Variants in HLA-DMB observed in about 807,000 individuals in gnomAD.
HLA-DMB encodes the protein major histocompatibility complex, class II, DM beta, also known as HLA class II histocompatibility antigen, DM beta chain.
In HLA-DMB, 18 loss-of-function variants were observed where a neutral mutation model predicts 29.3. That is an observed-to-expected ratio of 0.62 (90% CI 0.43 to 0.91). HLA-DMB has a LOEUF of 0.91. Among genes scored for constraint, HLA-DMB ranks in the 40% least tolerant of loss-of-function variants. HLA-DMB has a pLI of 0.00. For synonymous variants in HLA-DMB, 143 were observed against 128.7 expected, an observed-to-expected ratio of 1.11 and a Z score of -0.75; for missense variants, 258 against 320.9, an observed-to-expected ratio of 0.80 and a Z score of 1.50.
At chr6:32,938,608 G>T in intron 2 of HLA-DMB, 76 bp downstream of exon 2, 1 of 1,338,574 alleles carries the variant, frequency 7.5e-7, no homozygotes, top group Non-Finnish European at 9.9e-7. Context: ...AAACCCCTGG[G>T]CCACTGTGGG....
At chr6:32,935,069 T>A in intron 5 of HLA-DMB, 82 bp from the exon 6 acceptor site, 1 of 1,501,492 alleles carries the variant, frequency 6.7e-7, no homozygotes, top group Non-Finnish European at 9.2e-7. Flanking sequence ...TCCCATGCCT[T>A]AATACAGTGA....
chr6:32,940,635 A>G (rs1248015289), intron 1 of HLA-DMB, 118 bp downstream of exon 1: 16 of 659,888 alleles, frequency 2.4e-5, no homozygotes, highest in Non-Finnish European at 4.2e-5. Context: ...AAAGTGCTAT[A>G]GGAATGTATA....
chr6:32,936,958 G>A, intron 3 of HLA-DMB: 1 of 407,518 alleles, frequency 2.5e-6, no homozygotes, highest in Non-Finnish European at 4.3e-6. Context: ...TTTTGCCACT[G>A]AAAGTAATGG....
intron 1 of HLA-DMB, among the ~76,000 whole-genome samples, chr6:32,939,865 G>A (rs929347838): frequency 6.6e-6 from 1 of 152,180 alleles, no homozygotes; most frequent in Non-Finnish European, 1.5e-5. Context: ...TTGTAGGCAA[G>A]TTGGACAGAA....
At chr6:32,938,550 T>C (rs756073067) in intron 2 of HLA-DMB, 134 bp downstream of exon 2, 7 of 913,044 alleles carry the variant, frequency 7.7e-6, no homozygotes, top group Non-Finnish European at 1.1e-5. Context: ...CCTCCGTCTT[T>C]CTACATTTCA....
At chr6:32,938,304 G>C (rs1343280129) in intron 2 of HLA-DMB, 1 of 216,198 alleles carries the variant, frequency 4.6e-6, no homozygotes, top group Non-Finnish European at 9.1e-6. Flanking sequence ...TTAAGGGTGA[G>C]AAAAAGCATG....
Position 32,934,825 on chromosome 6 carries a change from G to T in HLA-DMB, c.*146C>A. 1 of 841,594 alleles carries T rather than the reference G, an allele frequency of 1.2e-6. No individual in the cohort carries two copies. The highest frequency in any genetic ancestry group is 1.9e-6 in the Non-Finnish European group (1 of 520,740). 52.1% of individuals were successfully genotyped at this position (841,594 alleles called of 1,614,324 possible). Reference sequence around the variant, plus strand: ...CCCCAAGTTGCTAAGTTTTACATAGGGGAGACTGGGAAATTCAAAGAATTG... The same window carrying T: ...CCCCAAGTTGCTAAGTTTTACATAGTGGAGACTGGGAAATTCAAAGAATTG... On this transcript the variant is annotated 3_prime_UTR_variant, in exon 6 of 6. Transcript: ENST00000418107.
intron 3 of HLA-DMB, chr6:32,936,947 T>G: frequency 7.6e-6 from 3 of 396,842 alleles, no homozygotes; most frequent in Admixed American, 4.4e-5. Flanking sequence ...GTAATTGCGG[T>G]TTTTGCCACT....
chr6:32,936,992 C>T (rs554751629), intron 3 of HLA-DMB, 180 bp downstream of exon 3: 4 of 461,268 alleles, frequency 8.7e-6, no homozygotes, highest in South Asian at 1.4e-4. Flanking sequence ...TACTTTTGCA[C>T]CAACCTAAAT....
Position 32,934,688 on chromosome 6 carries a change from G to T in HLA-DMB, c.*283C>A, listed in dbSNP as rs1322247069. 4.0e-6 allele frequency: 2 copies of T among 500,692 alleles called. No homozygotes were observed. The highest frequency in any genetic ancestry group is 3.0e-5 in the South Asian group (1 of 33,824). The allele number at this position is 500,692 out of a possible 1,614,324, so 31.0% of individuals were successfully genotyped here. Reference sequence around the variant, plus strand: ...CAATCACCAGTTGCTGTCCTCTATGGCACACTGAGAGCCCCAGGAGGGTCT... The same window carrying T: ...CAATCACCAGTTGCTGTCCTCTATGTCACACTGAGAGCCCCAGGAGGGTCT... On this transcript the variant is annotated 3_prime_UTR_variant, in exon 6 of 6. Coordinates refer to ENST00000418107, the MANE Select transcript of HLA-DMB (RefSeq NM_002118.5).
At chr6:32,939,490 G>A (rs570483038) in intron 1 of HLA-DMB, among the ~76,000 whole-genome samples, 1 of 152,296 alleles carries the variant, frequency 6.6e-6, no homozygotes, top group Admixed American at 6.5e-5. Context: ...TCTTCATCTG[G>A]ATGTTCCTTT....
At position 32,937,908 on chromosome 6, in the gene HLA-DMB, C is replaced by T. The variant is rs6929298; in HGVS notation, c.338-452G>A. On this transcript the variant is annotated intron_variant, in intron 2 of 5. Transcript: ENST00000418107. This position sits in a 1 kb window ranked among gnomAD's most constrained non-coding sequence, Gnocchi z 4.1. ...TAAAGCTTTTTCTCCTCACATAGTT[C>T]AAGGAAACAAGCCTAACTTAGGACT... is the stretch of plus-strand genomic sequence containing the variant. The T allele has an allele frequency of 0.023, 3,695 of 164,092 alleles. 61 individuals carry two copies. Among genetic ancestry groups the T allele is most frequent in the South Asian group, 0.039 (217 of 5,616 alleles). 10.2% of individuals were successfully genotyped at this position (164,092 alleles called of 1,614,324 possible).
At chr6:32,936,979 A>C in intron 3 of HLA-DMB, 193 bp downstream of exon 3, 3 of 426,642 alleles carry the variant, frequency 7.0e-6, no homozygotes, top group East Asian at 3.5e-5. Flanking sequence ...CAAAAACTGC[A>C]ATTACTTTTG....
In HLA-DMB at chr6:32,940,742, A is replaced by C; in HGVS notation, c.55+11T>G. On this transcript the variant is annotated intron_variant, in intron 1 of 5. Transcript: ENST00000418107. ...AGGGGAAGGGAGAGTCCCCAGAAGAAGTGTCCTTACCTGCTCCTGTGCAGC... is the reference window on the plus strand; with the variant it reads ...AGGGGAAGGGAGAGTCCCCAGAAGACGTGTCCTTACCTGCTCCTGTGCAGC... 2 of 1,602,290 alleles carry C rather than the reference A, an allele frequency of 1.2e-6. No homozygotes were observed. Among genetic ancestry groups the C allele is most frequent in the Non-Finnish European group, 1.7e-6 (2 of 1,174,448 alleles).
chr6:32,940,708 A>T, intron 1 of HLA-DMB, 45 bp downstream of exon 1: 1 of 1,510,334 alleles, frequency 6.6e-7, no homozygotes. Flanking sequence ...CTTACCCTGA[A>T]ACAGGAGCAG....
At chr6:32,940,020 A>G (rs939494253) in intron 1 of HLA-DMB, among the ~76,000 whole-genome samples, 5 of 150,902 alleles carry the variant, frequency 3.3e-5, no homozygotes, top group Non-Finnish European at 7.4e-5. Context: ...TCCAGCTAAT[A>G]TAGGAGAATT....
At position 32,937,364 on chromosome 6, in the gene HLA-DMB, C is replaced by G; in HGVS notation, c.430G>C (p.Glu144Gln). The G allele has an allele frequency of 6.2e-7, 1 of 1,614,236 alleles. No homozygotes were observed. The highest frequency in any genetic ancestry group is 8.5e-7 in the Non-Finnish European group (1 of 1,180,052). ...ACYVWGFYPAEVTITWRKNGK... is the reference protein window; with the variant it reads ...ACYVWGFYPAQVTITWRKNGK... ...TTCTTCCTCCACGTGATAGTCACTT[C>G]TGCTGGATAGAAGCCCCACACATAG... is the stretch of plus-strand genomic sequence containing the variant. Residue 144 changes from glutamate to glutamine, a missense_variant, in exon 3 of 6, where the codon GAA becomes CAA. Physicochemically the swap from Glu to Gln is conservative, Grantham distance 29 (BLOSUM62 2). Transcript: ENST00000418107. The surrounding 1 kb of genome is among the most constrained non-coding windows in gnomAD (Gnocchi z 4.1).
chr6:32,937,660 C>A lies in HLA-DMB; in HGVS notation c.338-204G>T. The A allele has an allele frequency of 1.8e-6, 1 of 570,452 alleles. No homozygotes were observed. Among genetic ancestry groups the A allele is most frequent in the Non-Finnish European group, 3.1e-6 (1 of 323,068 alleles). The allele number at this position is 570,452 out of a possible 1,614,324, so 35.3% of individuals were successfully genotyped here. A position where few individuals can be genotyped will look rare whatever the true frequency, so the allele number is the denominator to read the frequency against. On this transcript the variant is annotated intron_variant, in intron 2 of 5. Transcript: ENST00000418107. The surrounding 1 kb of genome is among the most constrained non-coding windows in gnomAD (Gnocchi z 4.1). ...TCTTCTCTCCCATTCCTTCATTGCC[C>A]CTTTCTTTCTTTCCTCCTCCAGAAT...
At position 32,934,842 on chromosome 6, in the gene HLA-DMB, A is replaced by G. The variant is rs901116906; in HGVS notation, c.*129T>C. On this transcript the variant is annotated 3_prime_UTR_variant, in exon 6 of 6. Transcript: ENST00000418107. ...TTACATAGGGGAGACTGGGAAATTC[A>G]AAGAATTGGATGGAGAAACCATAGG... is the stretch of plus-strand genomic sequence containing the variant. The G allele has an allele frequency of 4.0e-6, 4 of 1,004,102 alleles. No homozygotes were observed. In the Admixed American group the frequency reaches 6.3e-5, roughly 16 times the overall value. 62.2% of individuals were successfully genotyped at this position (1,004,102 alleles called of 1,614,324 possible).
Sources: gnomAD v4.1 joint callset for allele counts (sites outside exome capture counted in the v4.1 genomes callset) on GRCh38, gnomAD v4.1.1 for gene constraint, Gnocchi (gnomAD v3.1) non-coding constraint, MANE v1.5 for transcripts, NCBI Gene and HGNC (gene_info 2026-07-23, HGNC 2026-07-21) for gene names.